Variants in SEPTIN7 observed in about 807,000 individuals in gnomAD.
The protein encoded by SEPTIN7 is septin 7, also known as septin-7.
Under a neutral mutation model 63.3 loss-of-function variants are expected in SEPTIN7, and 10 were observed. That is an observed-to-expected ratio of 0.16 (90% CI 0.10 to 0.27). The LOEUF (loss-of-function observed/expected upper bound fraction) is 0.27. Ranked by LOEUF, SEPTIN7 falls within the 10% of genes least tolerant of loss-of-function variation. The pLI is 1.00. For missense variants in SEPTIN7, 310 were observed against 521.0 expected (o/e 0.59, Z 3.94); for synonymous variants, 131 against 165.3 (o/e 0.79, Z 1.59).
intron 6 of SEPTIN7, chr7:35,879,622 A>G: frequency 2.4e-6 from 1 of 422,768 alleles, no homozygotes; most frequent in Non-Finnish European, 4.4e-6. Context: ...CCAGGGTTCA[A>G]GGGCAGGAGT....
intron 1 of SEPTIN7, among the ~76,000 whole-genome samples, chr7:35,811,019 T>C (rs574123486): frequency 4.9e-4 from 75 of 152,316 alleles, no homozygotes; most frequent in Non-Finnish European, 9.0e-4. Context: ...TCTGCCCACC[T>C]TGGCCTCCCA....
chr7:35,863,806 T>G (rs1785649426), intron 4 of SEPTIN7, 148 bp downstream of exon 4: 4 of 485,692 alleles, frequency 8.2e-6, no homozygotes, highest in South Asian at 3.8e-5. Flanking sequence ...TTCATAAAAT[T>G]TAAAAAAAAA....
downstream of SEPTIN7, among the ~76,000 whole-genome samples, chr7:35,907,904 G>A (rs1283954054): frequency 6.6e-6 from 1 of 152,174 alleles, no homozygotes; most frequent in Non-Finnish European, 1.5e-5. Context: ...GACTGCACAC[G>A]TTAAGGTGTC....
intron 3 of SEPTIN7, among the ~76,000 whole-genome samples, chr7:35,850,820 C>T (rs1208441303): frequency 2.6e-5 from 4 of 152,102 alleles, no homozygotes; most frequent in Admixed American, 6.5e-5. Flanking sequence ...ATTCCTCGTT[C>T]ATTTATTTGA....
chr7:35,852,571 A>G (rs968406275), intron 3 of SEPTIN7, among the ~76,000 whole-genome samples: 4 of 152,176 alleles, frequency 2.6e-5, no homozygotes, highest in East Asian at 1.9e-4. Context: ...GTCAGGTGCT[A>G]TATTTTACTC....
intron 1 of SEPTIN7, among the ~76,000 whole-genome samples, chr7:35,826,428 G>C (rs1454499498): frequency 6.6e-6 from 1 of 150,458 alleles, no homozygotes; most frequent in Non-Finnish European, 1.5e-5. Context: ...AATCCAAAGG[G>C]AGGCAGATTG....
intron 3 of SEPTIN7, among the ~76,000 whole-genome samples, chr7:35,842,383 T>G (rs1483306114): frequency 6.6e-6 from 1 of 152,116 alleles, no homozygotes; most frequent in Non-Finnish European, 1.5e-5. Context: ...GTAATAATTT[T>G]CATGTATTTA....
At chr7:35,860,940 A>G (rs545600483) in intron 3 of SEPTIN7, among the ~76,000 whole-genome samples, 3 of 152,266 alleles carry the variant, frequency 2.0e-5, no homozygotes, top group East Asian at 1.9e-4. Context: ...TTCCTCTGAA[A>G]CATCCATTGA....
chr7:35,914,629 CTT>C, the SEPTIN7 span, among the ~76,000 whole-genome samples: 1 of 128,174 alleles, frequency 7.8e-6, no homozygotes. Context: ...TCTCTTCTCT[CTT>C]TCTGTCCCTC....
intron 8 of SEPTIN7, 83 bp from the exon 9 acceptor site, chr7:35,883,808 C>A (rs1787055473): frequency 4.4e-6 from 3 of 679,046 alleles, no homozygotes; most frequent in African/African-American, 1.8e-5. Flanking sequence ...TTTGGCTAAC[C>A]TGTTGAGTAA....
At chr7:35,801,039 G>A, upstream of SEPTIN7, 1 of 477,560 alleles carries the variant, frequency 2.1e-6, no homozygotes, top group Non-Finnish European at 3.6e-6. Context: ...GGGGGCGGGG[G>A]ACGGAGGAGG....
intron 11 of SEPTIN7, among the ~76,000 whole-genome samples, chr7:35,896,537 G>T (rs1450587234): frequency 6.6e-6 from 1 of 152,140 alleles, no homozygotes; most frequent in East Asian, 1.9e-4. Flanking sequence ...TTGACACTGT[G>T]TGTGCTCAAG....
chr7:35,865,498 G>A (rs186178448), intron 4 of SEPTIN7, among the ~76,000 whole-genome samples: 1 of 151,986 alleles, frequency 6.6e-6, no homozygotes, highest in African/African-American at 2.4e-5. Context: ...CTACTCCATT[G>A]TGTGAATGTA....
chr7:35,841,681 G>C (rs1328244948), intron 3 of SEPTIN7, among the ~76,000 whole-genome samples: 2 of 152,174 alleles, frequency 1.3e-5, no homozygotes, highest in Admixed American at 6.5e-5. Context: ...AAATATGAAG[G>C]CCGCATAGTC....
At chr7:35,879,134 A>C (rs1329453022) in intron 6 of SEPTIN7, among the ~76,000 whole-genome samples, 2 of 152,204 alleles carry the variant, frequency 1.3e-5, no homozygotes, top group African/African-American at 2.4e-5. Flanking sequence ...TTGAAAGTAC[A>C]GAGGCAAACT....
the SEPTIN7 span, among the ~76,000 whole-genome samples, chr7:35,915,375 TATCTG>T: frequency 6.6e-6 from 1 of 152,162 alleles, no homozygotes; most frequent in Non-Finnish European, 1.5e-5. Context: ...ATTTTAGACT[TATCTG>T]AATTGTTTTC....
chr7:35,910,079 C>T (rs765626133), downstream of SEPTIN7, among the ~76,000 whole-genome samples: 2 of 152,186 alleles, frequency 1.3e-5, no homozygotes, highest in African/African-American at 2.4e-5. Context: ...CACAGGGCTG[C>T]TTGAGTGGCC....
intron 1 of SEPTIN7, among the ~76,000 whole-genome samples, chr7:35,819,101 T>C (rs1268325407): frequency 6.6e-6 from 1 of 152,154 alleles, no homozygotes; most frequent in Non-Finnish European, 1.5e-5. Context: ...TAAATTTCCT[T>C]CTAAGCACTG....
chr7:35,801,802 A>C (rs1787999458), intron 1 of SEPTIN7, among the ~76,000 whole-genome samples: 1 of 151,254 alleles, frequency 6.6e-6, no homozygotes, highest in African/African-American at 2.4e-5. Flanking sequence ...GCGGGGAGGG[A>C]GGAAGAAGGA....
Sources: gnomAD v4.1 joint callset for allele counts (sites outside exome capture counted in the v4.1 genomes callset) on GRCh38, gnomAD v4.1.1 for gene constraint, MANE v1.5 for transcripts, NCBI Gene and HGNC (gene_info 2026-07-23, HGNC 2026-07-21) for gene names.